The following LRFN5 variants were observed in gnomAD, a reference collection of about 807,000 sequenced individuals.
LRFN5 encodes leucine rich repeat and fibronectin type III domain containing 5.
LRFN5 carries 24 observed loss-of-function variants against 45.6 expected under a neutral mutation model. The ratio of observed to expected loss-of-function variants is 0.53; its 90% confidence interval spans 0.38 to 0.74. The LOEUF is 0.74. Among genes scored for constraint, LRFN5 ranks in the 30% least tolerant of loss-of-function variants. The pLI is 0.00. For missense variants in LRFN5, 776 were observed against 861.5 expected (o/e 0.90, Z 1.24); for synonymous variants, 340 against 313.8 (o/e 1.08, Z -0.88).
At chr14:41,675,399 G>T (rs12878265) in intron 1 of LRFN5, among the ~76,000 whole-genome samples, 231 of 152,386 alleles carry the variant, frequency 1.5e-3, no homozygotes, top group Non-Finnish European at 2.8e-3. Flanking sequence ...TTAGGAGCTG[G>T]AGACCAGCCC....
At chr14:41,647,358 T>G (rs963971778) in intron 1 of LRFN5, among the ~76,000 whole-genome samples, 14 of 151,936 alleles carry the variant, frequency 9.2e-5, no homozygotes, top group Non-Finnish European at 2.1e-4. Flanking sequence ...CCCAAAGAAG[T>G]TTGGGCATTT....
intron 2 of LRFN5, among the ~76,000 whole-genome samples, chr14:41,792,134 G>A (rs918988649): frequency 6.6e-6 from 1 of 152,060 alleles, no homozygotes; most frequent in Non-Finnish European, 1.5e-5. Context: ...GGACCATGAT[G>A]TCTGCCTGAG....
chr14:41,737,304 C>T (rs1376105902), intron 1 of LRFN5, among the ~76,000 whole-genome samples: 1 of 152,126 alleles, frequency 6.6e-6, no homozygotes, highest in Non-Finnish European at 1.5e-5. Context: ...TTTAACACCC[C>T]TTTATGCTAC....
At chr14:41,770,985 C>T (rs1017495896) in intron 2 of LRFN5, among the ~76,000 whole-genome samples, 2 of 151,952 alleles carry the variant, frequency 1.3e-5, no homozygotes, top group Non-Finnish European at 2.9e-5. Flanking sequence ...AGCCACCAAG[C>T]CCCCTTCACG....
At chr14:41,615,964 G>A (rs1887914374) in intron 1 of LRFN5, among the ~76,000 whole-genome samples, 1 of 151,968 alleles carries the variant, frequency 6.6e-6, no homozygotes, top group Non-Finnish European at 1.5e-5. Flanking sequence ...CACACTTTAA[G>A]TTTACCTCTT....
intron 1 of LRFN5, among the ~76,000 whole-genome samples, chr14:41,721,828 C>A (rs1033769344): frequency 6.6e-6 from 1 of 152,064 alleles, no homozygotes; most frequent in African/African-American, 2.4e-5. Flanking sequence ...CATGGACAGT[C>A]TGGGGACTAT....
chr14:41,856,714 T>C (rs1889481370), intron 2 of LRFN5, among the ~76,000 whole-genome samples: 1 of 99,468 alleles, frequency 1.0e-5, no homozygotes, highest in African/African-American at 3.5e-5. Flanking sequence ...TCTCGTTCTG[T>C]CGCCCAGGCA....
rs1267473997 is a variant in LRFN5 at position 41,887,692 on chromosome 14, C to T, written c.1067C>T (p.Thr356Ile). 7 of 1,614,064 alleles carry T rather than the reference C, an allele frequency of 4.3e-6. No individual in the cohort carries two copies. The highest frequency in any genetic ancestry group is 2.2e-5 in the East Asian group (1 of 44,886). ...ITTVKDTGAF[T>I]CIASNPAGEA... ...ACTGTAAAGGATACAGGTGCTTTTA[C>T]CTGCATTGCTTCCAATCCTGCTGGG... Residue 356 changes from threonine to isoleucine, a missense_variant, in exon 3 of 6, where the codon ACC becomes ATC. Physicochemically the swap from Thr to Ile is moderately conservative, Grantham distance 89 (BLOSUM62 -1). This residue lies in a region of LRFN5 where 465 missense variants were observed against 456.4 expected (regional missense o/e 1.02). Coordinates refer to ENST00000298119, the MANE Select transcript of LRFN5 (RefSeq NM_152447.5). The surrounding 1 kb of genome is among the most constrained non-coding windows in gnomAD (Gnocchi z 4.8).
Position 41,887,616 on chromosome 14 carries a change from G to T in LRFN5, c.991G>T (p.Ala331Ser), listed in dbSNP as rs937390788. Reference sequence around the variant, plus strand: ...TCCTGAAGGGAAGCTTATTTCAAATGCAACAAGATCTCTGGTGTATGATAA... The same window carrying T: ...TCCTGAAGGGAAGCTTATTTCAAATTCAACAAGATCTCTGGTGTATGATAA... The part of the protein sequence containing the change: ...ISPEGKLISN[A>S]TRSLVYDNGT... Residue 331 changes from alanine to serine, a missense_variant, in exon 3 of 6, where the codon GCA becomes TCA. By Grantham distance (99) the Ala-to-Ser change is moderately conservative. Coordinates refer to ENST00000298119, the MANE Select transcript of LRFN5 (RefSeq NM_152447.5). The surrounding 1 kb of genome is among the most constrained non-coding windows in gnomAD (Gnocchi z 4.8). 7 of 1,614,192 alleles carry T rather than the reference G, an allele frequency of 4.3e-6. No individual in the cohort carries two copies. The highest frequency in any genetic ancestry group is 5.9e-6 in the Non-Finnish European group (7 of 1,180,040).
At chr14:41,826,556 G>C (rs890578234) in intron 2 of LRFN5, among the ~76,000 whole-genome samples, 1 of 152,128 alleles carries the variant, frequency 6.6e-6, no homozygotes, top group Non-Finnish European at 1.5e-5. Context: ...AAAATGCCCA[G>C]TCTCTCTGTT....
intron 2 of LRFN5, among the ~76,000 whole-genome samples, chr14:41,849,067 G>C (rs556360705): frequency 6.6e-6 from 1 of 152,082 alleles, no homozygotes; most frequent in African/African-American, 2.4e-5. Context: ...AACTTGCGCT[G>C]ATGTGATCTC....
At chr14:41,896,988 A>T (rs1455325312) in intron 4 of LRFN5, among the ~76,000 whole-genome samples, 2 of 151,792 alleles carry the variant, frequency 1.3e-5, no homozygotes, top group East Asian at 3.9e-4. Context: ...GCTACTCGGG[A>T]GGCTGAGGCA....
chr14:41,843,045 C>G (rs1169674560), intron 2 of LRFN5, among the ~76,000 whole-genome samples: 3 of 145,354 alleles, frequency 2.1e-5, no homozygotes, highest in African/African-American at 7.6e-5. Flanking sequence ...TTCTCCCACT[C>G]TATAGTTTGT....
chr14:41,803,286 G>A (rs1012759653), intron 2 of LRFN5, among the ~76,000 whole-genome samples: 9 of 151,992 alleles, frequency 5.9e-5, no homozygotes, highest in African/African-American at 1.4e-4. Context: ...ACTACATACC[G>A]TACCTACAGT....
Position 41,607,955 on chromosome 14 carries a change from A to T in LRFN5, c.-804A>T, listed in dbSNP as rs1887562407. 1 of 152,234 alleles carries T rather than the reference A, an allele frequency of 6.6e-6. No homozygotes were observed. The highest frequency in any genetic ancestry group is 2.4e-5 in the African/African-American group (1 of 41,462). The allele number at this position is 152,234 out of a possible 1,614,324, so 9.4% of individuals were successfully genotyped here. On this transcript the variant is annotated 5_prime_UTR_variant, in exon 1 of 6. Coordinates refer to ENST00000298119, the MANE Select transcript of LRFN5 (RefSeq NM_152447.5). Reference sequence around the variant, plus strand: ...ACAAATAAGGTAATGAGGATTGCTTATTAAACTGCTTAACAAAATCCCCGA... The same window carrying T: ...ACAAATAAGGTAATGAGGATTGCTTTTTAAACTGCTTAACAAAATCCCCGA...
intron 2 of LRFN5, among the ~76,000 whole-genome samples, chr14:41,795,744 G>GGA (rs1887101269): frequency 6.6e-6 from 1 of 151,668 alleles, no homozygotes; most frequent in Admixed American, 6.6e-5. Flanking sequence ...CTTGGACACA[G>GGA]AGTGGGGAAC....
At position 41,891,862 on chromosome 14, in the gene LRFN5, A is replaced by G. The variant is rs1369970863; in HGVS notation, c.1998A>G (p.Gln666=). Residue 666 remains glutamine (Q), a synonymous_variant, in exon 4 of 6, where the codon CAA becomes CAG. Coordinates refer to ENST00000298119, the MANE Select transcript of LRFN5 (RefSeq NM_152447.5). ...QNEAVTNVES[Q]NTNRNNSTAL... Reference sequence around the variant, plus strand: ...AAGCCGTCACAAATGTTGAATCCCAAAACACTAACAGGAACAACTCAACTG... The same window carrying G: ...AAGCCGTCACAAATGTTGAATCCCAGAACACTAACAGGAACAACTCAACTG... 3.1e-6 allele frequency: 5 copies of G among 1,614,040 alleles called. No homozygotes were observed. Among genetic ancestry groups the G allele is most frequent in the Non-Finnish European group, 4.2e-6 (5 of 1,180,040 alleles).
intron 1 of LRFN5, among the ~76,000 whole-genome samples, chr14:41,668,106 T>A (rs1021153279): frequency 1.3e-5 from 2 of 152,150 alleles, no homozygotes; most frequent in East Asian, 3.9e-4. Flanking sequence ...GAGAAATAAA[T>A]GTTAATATAA....
intron 4 of LRFN5, among the ~76,000 whole-genome samples, chr14:41,898,641 G>A (rs1225828042): frequency 9.9e-5 from 15 of 151,912 alleles, no homozygotes. Context: ...AATACCAAAT[G>A]CATATTGAAA....
Sources: allele counts gnomAD v4.1 joint callset (sites outside exome capture counted in the v4.1 genomes callset), GRCh38; gene constraint gnomAD v4.1.1; regional missense constraint gnomAD v4.1.1; non-coding constraint Gnocchi (gnomAD v3.1); transcripts MANE v1.5; gene names NCBI Gene and HGNC (gene_info 2026-07-23, HGNC 2026-07-21).